ULK4: variants seen among roughly 807,000 people sequenced by gnomAD.
ULK4 encodes inactive serine/threonine-protein kinase ULK4.
In ULK4, 133 loss-of-function variants were observed where a neutral mutation model predicts 160.6. That is an observed-to-expected ratio of 0.83 (90% CI 0.72 to 0.96). ULK4 has a LOEUF of 0.96. Ranked by LOEUF, ULK4 falls within the 40% of genes least tolerant of loss-of-function variation. The pLI is 0.00. For synonymous variants in ULK4, 534 were observed against 539.8 expected (o/e 0.99, Z 0.15); for missense variants, 1,580 against 1,499.5 (o/e 1.05, Z -0.89).
intron 35 of ULK4, among the ~76,000 whole-genome samples, chr3:41,311,892 A>G (rs1459369175): frequency 6.6e-6 from 1 of 151,586 alleles, no homozygotes; most frequent in South Asian, 2.1e-4. Flanking sequence ...ATATATATAT[A>G]TATCCTATTA....
At chr3:41,949,912 T>G (rs551674550) in intron 2 of ULK4, among the ~76,000 whole-genome samples, 5 of 151,372 alleles carry the variant, frequency 3.3e-5, no homozygotes, top group Admixed American at 1.3e-4. Flanking sequence ...ATTTTTCTAT[T>G]TTTTCTAGAG....
intron 7 of ULK4, among the ~76,000 whole-genome samples, chr3:41,916,643 G>T (rs1453552672): frequency 6.6e-6 from 1 of 151,730 alleles, no homozygotes; most frequent in African/African-American, 2.4e-5. Context: ...CACCTGCCTT[G>T]GATCTCCTAA....
chr3:41,521,590 T>TA (rs1312206737), intron 32 of ULK4, among the ~76,000 whole-genome samples: 1 of 152,238 alleles, frequency 6.6e-6, no homozygotes, highest in Non-Finnish European at 1.5e-5. Flanking sequence ...TGAACTCATG[T>TA]AAAACAGGTG....
chr3:41,875,160 C>T (rs1697254163), intron 17 of ULK4, among the ~76,000 whole-genome samples: 1 of 152,180 alleles, frequency 6.6e-6, no homozygotes, highest in Non-Finnish European at 1.5e-5. Context: ...ACCTGGGCAA[C>T]AGAGCGAGAC....
intron 30 of ULK4, among the ~76,000 whole-genome samples, chr3:41,641,254 T>G (rs1418696650): frequency 3.3e-5 from 5 of 152,202 alleles, no homozygotes; most frequent in African/African-American, 1.2e-4. Context: ...TAGATGTCAA[T>G]TATGATATAC....
At chr3:41,529,835 T>C (rs2086241880) in intron 32 of ULK4, among the ~76,000 whole-genome samples, 1 of 152,188 alleles carries the variant, frequency 6.6e-6, no homozygotes, top group Admixed American at 6.5e-5. Flanking sequence ...CCTTTTCTAT[T>C]AACATTAAAA....
At chr3:41,765,055 G>T (rs911532576) in intron 21 of ULK4, among the ~76,000 whole-genome samples, 2 of 152,092 alleles carry the variant, frequency 1.3e-5, no homozygotes, top group African/African-American at 4.8e-5. Flanking sequence ...TCTCATTACT[G>T]GGTATATACC....
chr3:41,412,708 C>T (rs1276280553), intron 34 of ULK4, among the ~76,000 whole-genome samples: 1 of 151,676 alleles, frequency 6.6e-6, no homozygotes, highest in African/African-American at 2.4e-5. Context: ...TACAGGCATG[C>T]ACCACCAAGC....
chr3:41,919,608 A>T (rs546418874), intron 6 of ULK4, 109 bp downstream of exon 6: 19 of 930,842 alleles, frequency 2.0e-5, no homozygotes, highest in African/African-American at 6.6e-5. Flanking sequence ...TCTCAAAATA[A>T]AAAAAAATCT....
intron 29 of ULK4, among the ~76,000 whole-genome samples, chr3:41,675,918 A>G (rs968877516): frequency 1.3e-5 from 2 of 152,218 alleles, no homozygotes; most frequent in Admixed American, 1.3e-4. Context: ...GTTGGTTTAT[A>G]TAATTTGTTA....
chr3:41,789,641 AGGTAAAATCT>A lies in ULK4; in HGVS notation c.2193+10_2193+19del. ...AAAACAATTTTTAATGTAGAGTAAC[AGGTAAAATCT>A]AAGTCAAACCTTTTCTTGGATTAGT... On this transcript the variant is annotated intron_variant, in intron 21 of 36. Transcript: ENST00000301831. 1 of 1,539,090 alleles carries A rather than the reference AGGTAAAATCT, an allele frequency of 6.5e-7. No homozygotes were observed. Among genetic ancestry groups the A allele is most frequent in the Non-Finnish European group, 8.7e-7 (1 of 1,143,236 alleles).
chr3:41,789,661 C>A lies in ULK4; in HGVS notation c.2193G>T (p.Lys731Asn). The change falls in exon 21 of 37, where the codon AAG (lysine) becomes AAT (asparagine). Residue 731 changes from lysine to asparagine, a missense_variant and splice_region_variant. Physicochemically the swap from Lys to Asn is moderately conservative, Grantham distance 94. Transcript: ENST00000301831. ...GIHLQRLIQE[K>N]GFVSTIIRLL... ...GTAACAGGTAAAATCTAAGTCAAACCTTTTCTTGGATTAGTCTTTGAAGAT... is the reference window on the plus strand; with the variant it reads ...GTAACAGGTAAAATCTAAGTCAAACATTTTCTTGGATTAGTCTTTGAAGAT... 6.4e-7 allele frequency: 1 copy of A among 1,561,728 alleles called. No homozygotes were observed. Among genetic ancestry groups the A allele is most frequent in the Non-Finnish European group, 8.7e-7 (1 of 1,155,384 alleles).
intron 16 of ULK4, among the ~76,000 whole-genome samples, chr3:41,893,566 TAA>T (rs967249573): frequency 5.3e-5 from 8 of 152,042 alleles, no homozygotes; most frequent in Admixed American, 2.0e-4. Context: ...AAATCTTCCC[TAA>T]AGAGAAAAAG....
chr3:41,641,330 G>A (rs2034182209), intron 30 of ULK4, among the ~76,000 whole-genome samples: 1 of 152,164 alleles, frequency 6.6e-6, no homozygotes. Flanking sequence ...CATATTAGTA[G>A]GGGCTAAGTT....
chr3:41,533,396 T>A (rs1316502186), intron 32 of ULK4, among the ~76,000 whole-genome samples: 1 of 152,210 alleles, frequency 6.6e-6, no homozygotes, highest in Non-Finnish European at 1.5e-5. Flanking sequence ...GCAGCCTCAA[T>A]CTCAAATTAT....
chr3:41,919,804 T>C lies in ULK4; in HGVS notation c.556A>G (p.Thr186Ala). The C allele has an allele frequency of 1.2e-6, 2 of 1,612,790 alleles. No homozygotes were observed. The highest frequency in any genetic ancestry group is 1.7e-6 in the Non-Finnish European group (2 of 1,179,088). ...KSRVKGSPVY[T>A]APEVVRGADF... ...GCACCCCTCACAACTTCTGGTGCTG[T>C]ATATACAGGAGATCCTAAAAGCAAA... The change falls in exon 6 of 37, where the codon ACA (threonine) becomes GCA (alanine). Residue 186 changes from threonine to alanine, a missense_variant. Physicochemically the swap from Thr to Ala is moderately conservative, Grantham distance 58. Coordinates refer to ENST00000301831, the MANE Select transcript of ULK4 (RefSeq NM_017886.4).
In ULK4 at chr3:41,935,830, T is replaced by C. The variant is rs1699759984; in HGVS notation, c.349A>G (p.Ile117Val). The change falls in exon 4 of 37, where the codon ATT (isoleucine) becomes GTT (valine). Residue 117 changes from isoleucine to valine, a missense_variant. Physicochemically the swap from Ile to Val is conservative, Grantham distance 29. Coordinates refer to ENST00000301831, the MANE Select transcript of ULK4 (RefSeq NM_017886.4). ...CTAGGAGAAATGTCACAAAAGAGAA[T>C]GCCAAGTTTATGAAGATGATGTAAT... ...SGLHHLHKLGILFCDISPRKI... is the reference protein window; with the variant it reads ...SGLHHLHKLGVLFCDISPRKI... 1.2e-6 allele frequency: 2 copies of C among 1,612,260 alleles called. No homozygotes were observed. Among genetic ancestry groups the C allele is most frequent in the Non-Finnish European group, 8.5e-7 (1 of 1,179,514 alleles).
intron 35 of ULK4, among the ~76,000 whole-genome samples, chr3:41,331,999 T>C (rs2080451850): frequency 6.6e-6 from 1 of 152,316 alleles, no homozygotes; most frequent in South Asian, 2.1e-4. Flanking sequence ...GCTTTCTATA[T>C]GCTAAAATAA....
intron 17 of ULK4, among the ~76,000 whole-genome samples, chr3:41,873,975 TA>T (rs567265934): frequency 5.0e-4 from 76 of 152,020 alleles, no homozygotes; most frequent in African/African-American, 1.7e-3. Flanking sequence ...ATTATTTTTA[TA>T]ATTAGAATAT....
Sources: allele counts gnomAD v4.1 joint callset (sites outside exome capture counted in the v4.1 genomes callset), GRCh38; gene constraint gnomAD v4.1.1; transcripts MANE v1.5; gene names NCBI Gene and HGNC (gene_info 2026-07-23, HGNC 2026-07-21).